KCNIP4: variants seen among roughly 807,000 people sequenced by gnomAD.
The protein encoded by KCNIP4 is potassium voltage-gated channel interacting protein 4, also known as Kv channel-interacting protein 4.
In KCNIP4, 12 loss-of-function variants were observed where a neutral mutation model predicts 34.0. The ratio of observed to expected loss-of-function variants is 0.35; its 90% CI spans 0.23 to 0.57. The LOEUF is 0.57. Ranked by LOEUF, KCNIP4 falls within the 20% of genes least tolerant of loss-of-function variation. KCNIP4 has a pLI of 0.83. For synonymous variants in KCNIP4, 124 were observed against 102.2 expected (o/e 1.21, Z -1.29); for missense variants, 238 against 311.7 (o/e 0.76, Z 1.78).
Position 21,102,032 on chromosome 4 carries a change from C to A in KCNIP4, c.62-219323G>T, listed in dbSNP as rs146692348. Among the ~76,000 whole-genome samples, 51 of 152,242 alleles carry A rather than the reference C, an allele frequency of 3.3e-4. 1 individual carries two copies. In the East Asian group the frequency reaches 9.5e-3, roughly 28 times the overall value. ...GTGTACCTAAATCACAAGAATGAGC[C>A]TGGTGATTCACCCTGCAATCCTTTG... is the stretch of plus-strand genomic sequence containing the variant. On this transcript the variant is annotated intron_variant, in intron 1 of 8. Coordinates refer to ENST00000382152, the MANE Select transcript of KCNIP4 (RefSeq NM_025221.6).
intron 3 of KCNIP4, among the ~76,000 whole-genome samples, chr4:20,789,343 A>G (rs1712428927): frequency 6.6e-6 from 1 of 152,190 alleles, no homozygotes; most frequent in Non-Finnish European, 1.5e-5. Flanking sequence ...ATAACAAATA[A>G]AAGAAAAATA....
chr4:21,143,429 A>T (rs1194707412), intron 1 of KCNIP4, among the ~76,000 whole-genome samples: 1 of 152,164 alleles, frequency 6.6e-6, no homozygotes. Flanking sequence ...AACCACATGG[A>T]ACTGAATTCT....
At chr4:21,286,069 G>T (rs1458938309) in intron 1 of KCNIP4, among the ~76,000 whole-genome samples, 1 of 152,130 alleles carries the variant, frequency 6.6e-6, no homozygotes, top group Non-Finnish European at 1.5e-5. Context: ...CAGCTTCTTT[G>T]CCATTTACAT....
At chr4:20,814,070 GT>G (rs1051576712) in intron 3 of KCNIP4, among the ~76,000 whole-genome samples, 19 of 151,970 alleles carry the variant, frequency 1.3e-4, no homozygotes, top group Non-Finnish European at 2.2e-4. Flanking sequence ...CATTTTCCTA[GT>G]TTTTTTTCTC....
At position 20,877,525 on chromosome 4, in the gene KCNIP4, C is replaced by A. The variant is rs1310350140; in HGVS notation, c.163+5083G>T. 2.0e-5 allele frequency among the ~76,000 whole-genome samples: 3 copies of A among 152,154 alleles called. No homozygotes were observed. The East Asian group carries it at 5.8e-4, about 29-fold the overall frequency. On this transcript the variant is annotated intron_variant, in intron 2 of 8. Transcript: ENST00000382152. ...TTTTCAGAAGCTCTGTGATTTTGAG[C>A]AAATAATCTCCCTTGTCTAGTCTTC...
At chr4:20,828,941 A>G (rs2149454784) in intron 3 of KCNIP4, among the ~76,000 whole-genome samples, 1 of 152,330 alleles carries the variant, frequency 6.6e-6, no homozygotes, top group African/African-American at 2.4e-5. Flanking sequence ...AGAAAGTGTC[A>G]GAAACCCCCC....
chr4:21,420,737 A>G (rs963179883), intron 1 of KCNIP4, among the ~76,000 whole-genome samples: 2 of 152,196 alleles, frequency 1.3e-5, no homozygotes, highest in African/African-American at 2.4e-5. Context: ...ATCTGAGCAA[A>G]CTTTTTGATA....
Position 20,969,556 on chromosome 4 carries a change from T to TTGTGTG in KCNIP4, c.62-86853_62-86848dup, listed in dbSNP as rs113668496. Among the ~76,000 whole-genome samples the TTGTGTG allele has an allele frequency of 6.6e-3, 983 of 149,696 alleles. 3 individuals are homozygous for TTGTGTG. Among genetic ancestry groups the TTGTGTG allele is most frequent in the Non-Finnish European group, 0.011 (734 of 67,098 alleles). ...ACATGCAAATTTGCTGCGTGTGTGT[T>TTGTGTG]TGTGTGTGTGTGTGTGTGTGTGAAA... On this transcript the variant is annotated intron_variant, in intron 1 of 8. Transcript: ENST00000382152.
chr4:21,573,030 A>G (rs1740477726), intron 1 of KCNIP4, among the ~76,000 whole-genome samples: 1 of 151,896 alleles, frequency 6.6e-6, no homozygotes, highest in African/African-American at 2.4e-5. Context: ...TTTTCAGCAA[A>G]CTTTCCTTGA....
chr4:21,255,120 C>T (rs1287549523), intron 1 of KCNIP4, among the ~76,000 whole-genome samples: 5 of 152,050 alleles, frequency 3.3e-5, no homozygotes, highest in Admixed American at 2.6e-4. Flanking sequence ...ATCTTTGCAC[C>T]TCCCTCTGCC....
chr4:21,826,612 T>C (rs2109299123), intron 1 of KCNIP4, among the ~76,000 whole-genome samples: 1 of 152,084 alleles, frequency 6.6e-6, no homozygotes, highest in Non-Finnish European at 1.5e-5. Flanking sequence ...AGTAAACTGG[T>C]GTTGAGGTTG....
At chr4:21,370,600 T>C (rs1323627347) in intron 1 of KCNIP4, among the ~76,000 whole-genome samples, 1 of 141,130 alleles carries the variant, frequency 7.1e-6, no homozygotes, top group African/African-American at 3.0e-5. Context: ...GTAGGGAGAT[T>C]TTCTGGTTTT....
chr4:21,153,932 G>A (rs34722890), intron 1 of KCNIP4, among the ~76,000 whole-genome samples: 25,853 of 151,512 alleles, frequency 0.17, 2,819 homozygotes, highest in Non-Finnish European at 0.24. Context: ...CACCCACACC[G>A]TAACTCAAGG....
rs181102659 is a variant in KCNIP4, at chr4:21,801,233, T to C, written c.61+147338A>G. On this transcript the variant is annotated intron_variant, in intron 1 of 8. Coordinates refer to ENST00000382152, the MANE Select transcript of KCNIP4 (RefSeq NM_025221.6). ...ATAGAAGGTATTTGACACGTAATCT[T>C]TTTAAATTTATGTTAAAATCGTCAA... Among the ~76,000 whole-genome samples, 24 of 152,312 alleles carry C rather than the reference T, an allele frequency of 1.6e-4. No individual in the cohort carries two copies. In the East Asian group the frequency reaches 4.0e-3, roughly 26 times the overall value.
chr4:21,089,421 T>C lies in KCNIP4; in HGVS notation c.62-206712A>G, dbSNP rs552435316. 4.6e-5 allele frequency among the ~76,000 whole-genome samples: 7 copies of C among 152,288 alleles called. No individual in the cohort carries two copies. The East Asian group carries it at 1.4e-3, about 29-fold the overall frequency. On this transcript the variant is annotated intron_variant, in intron 1 of 8. Transcript: ENST00000382152. ...ACAGCTTGTAAAACTGTGAGTCAAT[T>C]AAAACTCTTTTATTTATAAATTATC...
At chr4:21,096,314 T>C (rs1029666610) in intron 1 of KCNIP4, among the ~76,000 whole-genome samples, 1 of 152,322 alleles carries the variant, frequency 6.6e-6, no homozygotes, top group Non-Finnish European at 1.5e-5. Flanking sequence ...TGAAAATCAA[T>C]ATGTTGTTGA....
chr4:21,364,910 A>G (rs546014882), intron 1 of KCNIP4, among the ~76,000 whole-genome samples: 2 of 152,330 alleles, frequency 1.3e-5, no homozygotes, highest in Admixed American at 1.3e-4. Flanking sequence ...GCATAAAGTC[A>G]GAAAAGGACA....
intron 1 of KCNIP4, among the ~76,000 whole-genome samples, chr4:21,018,108 A>G (rs571343010): frequency 1.3e-3 from 192 of 152,158 alleles, no homozygotes; most frequent in Non-Finnish European, 2.1e-3. Context: ...ATGATTGACT[A>G]CTTTCTTGAA....
chr4:21,498,483 G>A (rs553328101), intron 1 of KCNIP4, among the ~76,000 whole-genome samples: 21 of 152,248 alleles, frequency 1.4e-4, no homozygotes, highest in Middle Eastern at 6.8e-3. Context: ...TTGAGCCAGA[G>A]AAATAACTAA....
Sources: gnomAD v4.1 joint callset for allele counts (sites outside exome capture counted in the v4.1 genomes callset) on GRCh38, gnomAD v4.1.1 for gene constraint, MANE v1.5 for transcripts, NCBI Gene and HGNC (gene_info 2026-07-23, HGNC 2026-07-21) for gene names.